ANO4: variants seen among roughly 807,000 people sequenced by gnomAD.
ANO4 encodes the protein anoctamin-4.
A neutral mutation model predicts 141.9 loss-of-function variants in ANO4; 69 were observed. The ratio of observed to expected loss-of-function variants is 0.49; its 90% CI spans 0.40 to 0.59. The LOEUF is 0.59. ANO4 is among the 20% of genes least tolerant of loss of function. The pLI is 0.00. For synonymous variants in ANO4, 350 were observed against 394.3 expected (o/e 0.89, Z 1.33); for missense variants, 894 against 1,162.2 (o/e 0.77, Z 3.36).
At chr12:100,838,013 C>G (rs1457569189) in intron 1 of ANO4, among the ~76,000 whole-genome samples, 2 of 152,204 alleles carry the variant, frequency 1.3e-5, no homozygotes, top group Non-Finnish European at 2.9e-5. Flanking sequence ...CAATATTCCA[C>G]AGGCCCCTAT....
At chr12:101,005,571 G>C (rs1461074574) in intron 8 of ANO4, among the ~76,000 whole-genome samples, 1 of 152,050 alleles carries the variant, frequency 6.6e-6, no homozygotes, top group Non-Finnish European at 1.5e-5. Flanking sequence ...TAACTTGTAA[G>C]GTATGTGATT....
chr12:101,074,622 A>C (rs565954868), intron 14 of ANO4, among the ~76,000 whole-genome samples: 1 of 152,206 alleles, frequency 6.6e-6, no homozygotes, highest in South Asian at 2.1e-4. Context: ...CACAGGGTCC[A>C]TACAACCAAA....
chr12:100,764,442 A>G (rs1046744139), intron 3 of ANO4, among the ~76,000 whole-genome samples: 17 of 152,206 alleles, frequency 1.1e-4, no homozygotes, highest in African/African-American at 3.9e-4. Context: ...TCATCTCAGG[A>G]CATTTCTTTT....
At chr12:100,985,806 A>G (rs895942421) in intron 7 of ANO4, among the ~76,000 whole-genome samples, 17 of 152,306 alleles carry the variant, frequency 1.1e-4, no homozygotes, top group African/African-American at 4.1e-4. Flanking sequence ...ATAGTGAAAG[A>G]GAAGTTTACC....
chr12:100,781,101 G>A (rs1331296482), intron 3 of ANO4, among the ~76,000 whole-genome samples: 1 of 152,022 alleles, frequency 6.6e-6, no homozygotes, highest in Admixed American at 6.6e-5. Flanking sequence ...TTCTGTCATA[G>A]CTTTTAACTT....
chr12:100,996,665 A>G (rs1409522611), intron 8 of ANO4, among the ~76,000 whole-genome samples: 1 of 152,210 alleles, frequency 6.6e-6, no homozygotes, highest in Non-Finnish European at 1.5e-5. Flanking sequence ...AGCCTGGGCA[A>G]CAAGAGTGAA....
At chr12:100,803,382 T>C (rs1263598843) in intron 1 of ANO4, among the ~76,000 whole-genome samples, 1 of 152,188 alleles carries the variant, frequency 6.6e-6, no homozygotes, top group African/African-American at 2.4e-5. Context: ...TGTCAGTGAA[T>C]AAACAACATT....
intron 9 of ANO4, among the ~76,000 whole-genome samples, chr12:101,032,403 C>A (rs1377632008): frequency 1.3e-5 from 2 of 152,172 alleles, no homozygotes; most frequent in Non-Finnish European, 2.9e-5. Flanking sequence ...AACTGGACCG[C>A]TTGCTTACGT....
At chr12:100,936,604 G>A (rs1197425292) in intron 3 of ANO4, among the ~76,000 whole-genome samples, 1 of 152,102 alleles carries the variant, frequency 6.6e-6, no homozygotes, top group Non-Finnish European at 1.5e-5. Flanking sequence ...CTTAGTATGA[G>A]CCAGTCACCT....
intron 1 of ANO4, among the ~76,000 whole-genome samples, chr12:100,894,791 C>G (rs1016355358): frequency 6.6e-6 from 1 of 151,610 alleles, no homozygotes; most frequent in African/African-American, 2.4e-5. Flanking sequence ...ACGGTGAAAC[C>G]CCGTCTCTAC....
intron 1 of ANO4, among the ~76,000 whole-genome samples, chr12:100,796,036 ATT>A (rs34968573): frequency 0.06 from 8,475 of 141,490 alleles, 675 homozygotes; most frequent in African/African-American, 0.19. Context: ...CTTAACAGGG[ATT>A]TTTTTTTTTT....
chr12:100,914,043 C>T (rs2041230141), intron 2 of ANO4, among the ~76,000 whole-genome samples: 1 of 152,222 alleles, frequency 6.6e-6, no homozygotes, highest in South Asian at 2.1e-4. Flanking sequence ...GTCATCACAA[C>T]AGACCTCAGC....
rs147583765 is a variant in ANO4, at chr12:101,021,199, C to T, written c.841+1059C>T. Reference sequence around the variant, plus strand: ...TCTGGAGTACTGGGGGAAGCTGCCTCGAGTGGCTCCAAGGAAGTCATTCTT... The same window carrying T: ...TCTGGAGTACTGGGGGAAGCTGCCTTGAGTGGCTCCAAGGAAGTCATTCTT... On this transcript the variant is annotated intron_variant, in intron 9 of 27. Transcript: ENST00000392977. Among the ~76,000 whole-genome samples the T allele has an allele frequency of 9.4e-4, 143 of 152,194 alleles. 1 individual carries two copies. Among genetic ancestry groups the T allele is most frequent in the African/African-American group, 3.2e-3 (134 of 41,532 alleles).
Position 101,099,625 on chromosome 12 carries a change from G to C in ANO4, c.2054G>C (p.Gly685Ala). The C allele has an allele frequency of 1.2e-6, 2 of 1,611,712 alleles. No individual in the cohort carries two copies. Among genetic ancestry groups the C allele is most frequent in the Non-Finnish European group, 1.7e-6 (2 of 1,179,286 alleles). Residue 685 changes from glycine (G) to alanine (A), a missense_variant, in exon 22 of 28, where the codon GGA (glycine) becomes GCA (alanine). This residue lies in a region of ANO4 where 637 missense variants were observed against 909.2 expected (regional missense o/e 0.70). Coordinates refer to ENST00000392977, the MANE Select transcript of ANO4 (RefSeq NM_001286615.2). ...WTRRKVRQEH[G>A]PERKISFPQW... is the part of the protein sequence containing the mutation. ...AGAAGAAAAGTACGACAAGAACATG[G>C]ACCTGAAAGGAAAATAAGTTTCCCA...
chr12:100,758,380 A>G (rs1168555042), intron 3 of ANO4, among the ~76,000 whole-genome samples: 1 of 152,170 alleles, frequency 6.6e-6, no homozygotes. Flanking sequence ...TCAAAGGCAC[A>G]AGTGCAAGTG....
intron 8 of ANO4, among the ~76,000 whole-genome samples, chr12:100,989,870 AGATG>A (rs569415039): frequency 5.8e-5 from 8 of 137,026 alleles, no homozygotes; most frequent in Admixed American, 2.2e-4. Flanking sequence ...ATAGGTCACC[AGATG>A]GATGGATGGA....
chr12:100,893,417 T>C (rs1461434868), intron 1 of ANO4, among the ~76,000 whole-genome samples: 2 of 151,992 alleles, frequency 1.3e-5, no homozygotes, highest in East Asian at 3.9e-4. Flanking sequence ...TGTTCAGAGT[T>C]TTTTCAGGCA....
chr12:100,777,648 A>C lies in ANO4; in HGVS notation c.358+37543A>C, dbSNP rs1420137046. 5.9e-5 allele frequency among the ~76,000 whole-genome samples: 9 copies of C among 152,312 alleles called. No homozygotes were observed. The South Asian group carries it at 1.9e-3, about 32-fold the overall frequency. On this transcript the variant is annotated intron_variant, in intron 3 of 29. Coordinates refer to the ANO4 transcript ENST00000644049. The stretch of plus-strand genomic sequence containing the variant: ...AAGTTGTATATAAAATATGGCAATA[A>C]ATAGTGCCATTATTTTGTAATATTA...
chr12:100,967,802 G>A (rs890721438), intron 5 of ANO4, among the ~76,000 whole-genome samples: 3 of 152,154 alleles, frequency 2.0e-5, no homozygotes, highest in Non-Finnish European at 4.4e-5. Flanking sequence ...AGATGAATTT[G>A]TATAAACTGA....
Sources: allele counts gnomAD v4.1 joint callset (sites outside exome capture counted in the v4.1 genomes callset), GRCh38; gene constraint gnomAD v4.1.1; regional missense constraint gnomAD v4.1.1; transcripts MANE v1.5; gene names NCBI Gene and HGNC (gene_info 2026-07-23, HGNC 2026-07-21).